TMOD4: variants seen among roughly 807,000 people sequenced by gnomAD.
TMOD4 encodes tropomodulin-4.
Under a neutral mutation model 45.4 loss-of-function variants are expected in TMOD4, and 34 were observed. The observed-to-expected ratio is 0.75, with a 90% confidence interval of 0.57 to 1.00. TMOD4 has a LOEUF of 1.00. Among genes scored for constraint, TMOD4 ranks in the 50% least tolerant of loss-of-function variants. The pLI is 0.00. For synonymous variants in TMOD4, 131 were observed against 153.9 expected, an observed-to-expected ratio of 0.85 and a Z score of 1.10; for missense variants, 399 against 437.5, an observed-to-expected ratio of 0.91 and a Z score of 0.78.
At position 151,171,607 on chromosome 1, in the gene TMOD4, T is replaced by C. The variant is rs587610354; in HGVS notation, c.618+26A>G. On this transcript the variant is annotated intron_variant, in intron 6 of 9. Transcript: ENST00000295314. ...GGATGTCAGTGGTTATCCGGTGTTATGGTTTGGAGGATGCAAGTCAAATAC... is the reference window on the plus strand; with the variant it reads ...GGATGTCAGTGGTTATCCGGTGTTACGGTTTGGAGGATGCAAGTCAAATAC... 8.7e-6 allele frequency: 14 copies of C among 1,614,204 alleles called. No homozygotes were observed. The African/African-American group carries it at 1.7e-4, about 20-fold the overall frequency.
chr1:151,170,897 C>T (rs750067158), intron 8 of TMOD4, 23 bp downstream of exon 8: 3 of 1,612,774 alleles, frequency 1.9e-6, no homozygotes, highest in Non-Finnish European at 2.5e-6. Context: ...TGAATGCTAA[C>T]ATCAGGGGAA....
At chr1:151,174,058 A>G (rs1394486351) in intron 3 of TMOD4, among the ~76,000 whole-genome samples, 1 of 152,112 alleles carries the variant, frequency 6.6e-6, no homozygotes, top group African/African-American at 2.4e-5. Flanking sequence ...TACTAAAAAT[A>G]CTAAAAAATT....
intron 3 of TMOD4, among the ~76,000 whole-genome samples, 193 bp downstream of exon 3, chr1:151,174,198 A>G (rs1422014011): frequency 6.6e-6 from 1 of 152,126 alleles, no homozygotes; most frequent in Non-Finnish European, 1.5e-5. Context: ...CCTGGGCAAC[A>G]GAGTGAGACT....
Position 151,174,413 on chromosome 1 carries a change from C to T in TMOD4, c.258G>A (p.Val86=), listed in dbSNP as rs1330806555. 2.5e-6 allele frequency: 4 copies of T among 1,614,078 alleles called. No individual in the cohort carries two copies. The highest frequency in any genetic ancestry group is 3.4e-6 in the Non-Finnish European group (4 of 1,179,986). Residue 86 remains valine, a synonymous_variant, in exon 3 of 10, where the codon GTG becomes GTA. Coordinates refer to ENST00000295314, the MANE Select transcript of TMOD4 (RefSeq NM_013353.3). ...TACCCTTCTTCTCGCCTGTGAAGGGCACCAAGTCATCACGCTCTTTGACTT... is the reference window on the plus strand; with the variant it reads ...TACCCTTCTTCTCGCCTGTGAAGGGTACCAAGTCATCACGCTCTTTGACTT... ...ALEVKERDDL[V]PFTGEKKGKP...
chr1:151,173,680 T>C, intron 3 of TMOD4, 65 bp from the exon 4 acceptor site: 1 of 1,301,998 alleles, frequency 7.7e-7, no homozygotes, highest in Non-Finnish European at 1.1e-6. Flanking sequence ...GCCTCCAGGT[T>C]TCCTTCCTCC....
In TMOD4 at chr1:151,171,469, A is replaced by C. The variant is rs1281228582; in HGVS notation, c.690T>G (p.Ser230Arg). 1 of 1,614,182 alleles carries C rather than the reference A, an allele frequency of 6.2e-7. No individual in the cohort carries two copies. The highest frequency in any genetic ancestry group is 1.7e-5 in the Admixed American group (1 of 60,024). Residue 230 changes from serine to arginine, a missense_variant, in exon 7 of 10, where the codon AGT (serine) becomes AGG (arginine). Physicochemically the swap from Ser to Arg is moderately radical, Grantham distance 110 (BLOSUM62 -1). Coordinates refer to ENST00000295314, the MANE Select transcript of TMOD4 (RefSeq NM_013353.3). ...MKANTYVRSFSLVATRSGDPI... is the reference protein window; with the variant it reads ...MKANTYVRSFRLVATRSGDPI... ...GGTCACCACTCCTCGTGGCTACCAGACTGAAGCTCCGCACATAGGTATTTG... is the reference window on the plus strand; with the variant it reads ...GGTCACCACTCCTCGTGGCTACCAGCCTGAAGCTCCGCACATAGGTATTTG...
At chr1:151,174,015 A>C (rs1684032439) in intron 3 of TMOD4, among the ~76,000 whole-genome samples, 1 of 152,066 alleles carries the variant, frequency 6.6e-6, no homozygotes, top group African/African-American at 2.4e-5. Flanking sequence ...GGAGATCGAG[A>C]CCATCCTGGC....
At position 151,174,785 on chromosome 1, in the gene TMOD4, G is replaced by C; in HGVS notation, c.91C>G (p.Leu31Val). The C allele has an allele frequency of 6.2e-7, 1 of 1,614,080 alleles. No homozygotes were observed. The highest frequency in any genetic ancestry group is 2.2e-5 in the East Asian group (1 of 44,882). ...RTLSPEELEQLDCELQEMDPE... is the reference protein window; with the variant it reads ...RTLSPEELEQVDCELQEMDPE... Reference sequence around the variant, plus strand: ...TCCATCTCCTGTAGTTCGCAGTCCAGCTGCTCTAGCTCCTCGGGGCTCAAG... The same window carrying C: ...TCCATCTCCTGTAGTTCGCAGTCCACCTGCTCTAGCTCCTCGGGGCTCAAG... Residue 31 changes from leucine (L) to valine (V), a missense_variant, in exon 2 of 10, where the codon CTG becomes GTG. Transcript: ENST00000295314.
At chr1:151,173,144 C>CG (rs1333442638) in intron 4 of TMOD4, among the ~76,000 whole-genome samples, 2 of 151,900 alleles carry the variant, frequency 1.3e-5, no homozygotes, top group African/African-American at 4.8e-5. Flanking sequence ...TTAGTAGAGA[C>CG]GGGGTTTCAC....
At chr1:151,172,492 T>C in intron 4 of TMOD4, 135 bp from the exon 5 acceptor site, 1 of 654,208 alleles carries the variant, frequency 1.5e-6, no homozygotes, top group Non-Finnish European at 2.7e-6. Flanking sequence ...TCCCACCCTC[T>C]TTCAGCCCCA....
At position 151,170,089 on chromosome 1, in the gene TMOD4, TC is replaced by T. The variant is rs1195587504; in HGVS notation, c.1029del (p.Lys344ArgfsTer11). On this transcript the variant is annotated frameshift_variant, in exon 10 of 10. Coordinates refer to ENST00000295314, the MANE Select transcript of TMOD4 (RefSeq NM_013353.3). LOFTEE classifies it high-confidence loss of function. The part of the protein sequence containing the change: ...TRNNELRRQQ[K>X]KR The stretch of plus-strand genomic sequence containing the variant: ...TAAAGGGAAATGCAGTGTTATCTCT[TC>T]TTTTGCTGGCGACCTGTAAAGGAGC... The T allele has an allele frequency of 1.2e-6, 2 of 1,614,072 alleles. No homozygotes were observed. The highest frequency in any genetic ancestry group is 1.3e-5 in the African/African-American group (1 of 74,922).
chr1:151,174,995 G>C (rs1052975724), intron 1 of TMOD4, 78 bp from the exon 2 acceptor site: 15 of 1,182,116 alleles, frequency 1.3e-5, no homozygotes, highest in East Asian at 2.4e-5. Flanking sequence ...GACCAGCCAG[G>C]GGGGCAGAAC....
intron 8 of TMOD4, 27 bp from the exon 9 acceptor site, chr1:151,170,690 C>T (rs6689566): frequency 0.095 from 153,171 of 1,612,602 alleles, 8,121 homozygotes; most frequent in African/African-American, 0.15. Context: ...CAAAAGCTGA[C>T]AGTCACCCTC....
Position 151,174,902 on chromosome 1 carries a change from G to A in TMOD4, c.-27C>T. The A allele has an allele frequency of 1.2e-6, 2 of 1,613,754 alleles. No homozygotes were observed. The highest frequency in any genetic ancestry group is 1.7e-6 in the Non-Finnish European group (2 of 1,179,890). ...GTGGCCCCCACCCCCTCCCCACTGT[G>A]TGGTACTCACAGAGCCTGGGCAACA... On this transcript the variant is annotated 5_prime_UTR_variant, in exon 2 of 10. Coordinates refer to ENST00000295314, the MANE Select transcript of TMOD4 (RefSeq NM_013353.3).
chr1:151,173,699 G>A, intron 3 of TMOD4, 84 bp from the exon 4 acceptor site: 1 of 1,062,960 alleles, frequency 9.4e-7, no homozygotes, highest in Non-Finnish European at 1.5e-6. Flanking sequence ...CCTCCAGGAG[G>A]TAGAATGCTG....
chr1:151,173,452 C>T (rs1572085460), intron 4 of TMOD4, 47 bp downstream of exon 4: 1 of 1,459,652 alleles, frequency 6.9e-7, no homozygotes, highest in East Asian at 2.3e-5. Flanking sequence ...TGGCTAGAAT[C>T]CACCTGCCCC....
rs1447563105 is a variant in TMOD4, at chr1:151,171,483, C to G, written c.676G>C (p.Val226Leu). Residue 226 changes from valine (V) to leucine (L), a missense_variant, in exon 7 of 10, where the codon GTG becomes CTG. Physicochemically the swap from Val to Leu is conservative, Grantham distance 32 (BLOSUM62 1). Coordinates refer to ENST00000295314, the MANE Select transcript of TMOD4 (RefSeq NM_013353.3). ...GTGGCTACCAGACTGAAGCTCCGCA[C>G]ATAGGTATTTGCCTTCATTGCCTCA... ...LCEAMKANTYVRSFSLVATRS... is the reference protein window; with the variant it reads ...LCEAMKANTYLRSFSLVATRS... 3 of 1,614,052 alleles carry G rather than the reference C, an allele frequency of 1.9e-6. No individual in the cohort carries two copies. Among genetic ancestry groups the G allele is most frequent in the Non-Finnish European group, 2.5e-6 (3 of 1,180,050 alleles).
Position 151,174,377 on chromosome 1 carries a change from C to T in TMOD4, c.280+14G>A. ...CTTGGGTTCTACGAGGCATGGATGT[C>T]AGGGTCCCCATACCCTTCTTCTCGC... On this transcript the variant is annotated intron_variant, in intron 3 of 9. Coordinates refer to ENST00000295314, the MANE Select transcript of TMOD4 (RefSeq NM_013353.3). 6.2e-7 allele frequency: 1 copy of T among 1,611,824 alleles called. No individual in the cohort carries two copies. Among genetic ancestry groups the T allele is most frequent in the Non-Finnish European group, 8.5e-7 (1 of 1,178,300 alleles).
Position 151,170,934 on chromosome 1 carries a change from G to A in TMOD4, c.856C>T (p.Arg286Cys), listed in dbSNP as rs1213126951. Reference sequence around the variant, plus strand: ...GGAATGCTGACCTGATTGTCTACACGGAGCTCAGTGAGTGTGGCATTTTCC... The same window carrying A: ...GGAATGCTGACCTGATTGTCTACACAGAGCTCAGTGAGTGTGGCATTTTCC... The part of the protein sequence containing the change: ...VRENATLTEL[R>C]VDNQRQWPGD... The change falls in exon 8 of 10, where the codon CGT becomes TGT. Residue 286 changes from arginine to cysteine, a missense_variant. By Grantham distance (180) the Arg-to-Cys change is radical. Transcript: ENST00000295314. The A allele has an allele frequency of 5.0e-6, 8 of 1,613,982 alleles. No individual in the cohort carries two copies. Among genetic ancestry groups the A allele is most frequent in the African/African-American group, 2.7e-5 (2 of 74,914 alleles).
Sources: gnomAD v4.1 joint callset for allele counts (sites outside exome capture counted in the v4.1 genomes callset) on GRCh38, gnomAD v4.1.1 for gene constraint, MANE v1.5 for transcripts, NCBI Gene and HGNC (gene_info 2026-07-23, HGNC 2026-07-21) for gene names.